The following COTL1 variants were observed in gnomAD, a reference collection of about 807,000 sequenced individuals.
COTL1 encodes the protein coactosin-like protein.
COTL1 carries 15 observed loss-of-function variants against 16.5 expected under a neutral mutation model. The ratio of observed to expected loss-of-function variants is 0.91; its 90% CI spans 0.61 to 1.40. The LOEUF (loss-of-function observed/expected upper bound fraction) is 1.40, where lower values mean the gene tolerates loss of function less well. Among genes scored for constraint, COTL1 ranks in the 40% most tolerant of loss-of-function variants. The pLI is 0.00. For missense variants in COTL1, 220 were observed against 201.5 expected (o/e 1.09, Z -0.56); for synonymous variants, 112 against 85.3 (o/e 1.31, Z -1.73).
chr16:84,599,496 C>T (rs994158627), intron 2 of COTL1, among the ~76,000 whole-genome samples: 1 of 152,236 alleles, frequency 6.6e-6, no homozygotes, highest in South Asian at 2.1e-4. Flanking sequence ...GCTACTTTCA[C>T]ATCTGTCTGG....
At chr16:84,589,563 G>A (rs953970605) in intron 3 of COTL1, among the ~76,000 whole-genome samples, 4 of 151,780 alleles carry the variant, frequency 2.6e-5, no homozygotes, top group African/African-American at 7.3e-5. Flanking sequence ...CTACCCCGGG[G>A]TTACCTTTTG....
intron 2 of COTL1, among the ~76,000 whole-genome samples, chr16:84,591,184 ATTTTT>A (rs561534827): frequency 2.5e-4 from 35 of 139,558 alleles, no homozygotes; most frequent in Middle Eastern, 3.6e-3. Flanking sequence ...ATATTCTGGA[ATTTTT>A]TTTTTTTTTT....
At chr16:84,582,690 G>C (rs2914831) in intron 3 of COTL1, among the ~76,000 whole-genome samples, 22,339 of 152,176 alleles carry the variant, frequency 0.15, 3,688 homozygotes, top group African/African-American at 0.4. Flanking sequence ...AGGATGAATA[G>C]TTCACCAGGC....
intron 2 of COTL1, among the ~76,000 whole-genome samples, chr16:84,608,896 C>T (rs1394158651): frequency 6.6e-6 from 1 of 152,144 alleles, no homozygotes; most frequent in East Asian, 1.9e-4. Context: ...CAGGGCACGA[C>T]CTTGTCTCAA....
chr16:84,608,893 C>T (rs780063403), intron 2 of COTL1, among the ~76,000 whole-genome samples: 3 of 152,132 alleles, frequency 2.0e-5, no homozygotes, highest in Non-Finnish European at 4.4e-5. Flanking sequence ...TGACAGGGCA[C>T]GACCTTGTCT....
At chr16:84,609,681 G>A (rs912865295) in intron 2 of COTL1, among the ~76,000 whole-genome samples, 10 of 152,162 alleles carry the variant, frequency 6.6e-5, no homozygotes, top group East Asian at 3.8e-4. Flanking sequence ...AGGGCAGGAC[G>A]GGGTGGAGAT....
intron 2 of COTL1, among the ~76,000 whole-genome samples, chr16:84,602,195 A>T (rs1239957230): frequency 8.5e-6 from 1 of 118,222 alleles, no homozygotes; most frequent in Non-Finnish European, 1.8e-5. Flanking sequence ...GCTGCGTTTC[A>T]GTTCAATGGG....
chr16:84,614,211 G>C (rs1200607165), intron 2 of COTL1, among the ~76,000 whole-genome samples: 3 of 152,248 alleles, frequency 2.0e-5, no homozygotes, highest in Non-Finnish European at 4.4e-5. Flanking sequence ...GACCATCCCA[G>C]GCGAACTGAG....
Position 84,602,759 on chromosome 16 carries a change from G to A in COTL1, c.161-12497C>T, listed in dbSNP as rs546636783. ...AATCCCAGCTACTCGGGAGGCTGAC[G>A]TAGGAGAATTGCTTGAGTCCAGGAG... is the stretch of plus-strand genomic sequence containing the variant. On this transcript the variant is annotated intron_variant, in intron 2 of 3. Coordinates refer to ENST00000262428, the MANE Select transcript of COTL1 (RefSeq NM_021149.5). Among the ~76,000 whole-genome samples, 5 of 152,024 alleles carry A rather than the reference G, an allele frequency of 3.3e-5. No individual in the cohort carries two copies. In the South Asian group the frequency reaches 6.3e-4, roughly 19 times the overall value.
At chr16:84,595,656 C>T (rs906251904) in intron 2 of COTL1, 4 of 152,192 alleles carry the variant, frequency 2.6e-5, no homozygotes, top group East Asian at 1.9e-4. Context: ...CACTCCTGTA[C>T]GCGGGAACAC....
chr16:84,616,721 C>A lies in COTL1; in HGVS notation c.160+780G>T, dbSNP rs182053556. 1.6e-3 allele frequency among the ~76,000 whole-genome samples: 241 copies of A among 152,266 alleles called. 1 individual carries two copies. The highest frequency in any genetic ancestry group is 3.4e-3 in the Middle Eastern group (1 of 294). ...ACCGAAGGGTTTATGGCGATGCCTG[C>A]CACGTGGTCTTTCTTTTCATGGTTC... is the stretch of plus-strand genomic sequence containing the variant. On this transcript the variant is annotated intron_variant, in intron 2 of 3. Transcript: ENST00000262428.
intron 2 of COTL1, among the ~76,000 whole-genome samples, chr16:84,603,637 T>C (rs1276852448): frequency 4.6e-5 from 7 of 151,840 alleles, no homozygotes; most frequent in African/African-American, 1.7e-4. Flanking sequence ...ACGGTGACAA[T>C]GGCAACAGAC....
At chr16:84,583,265 T>G (rs1366532969) in intron 3 of COTL1, among the ~76,000 whole-genome samples, 1 of 152,198 alleles carries the variant, frequency 6.6e-6, no homozygotes, top group Non-Finnish European at 1.5e-5. Context: ...AGACCTGGCC[T>G]CGTGAAGGAC....
intron 3 of COTL1, among the ~76,000 whole-genome samples, chr16:84,572,371 G>C (rs1022277633): frequency 1.3e-5 from 2 of 152,180 alleles, no homozygotes; most frequent in Non-Finnish European, 2.9e-5. Context: ...AACACCCACG[G>C]GGGCAGGGGC....
chr16:84,593,791 G>A (rs573522726), intron 2 of COTL1, among the ~76,000 whole-genome samples: 18 of 152,086 alleles, frequency 1.2e-4, no homozygotes, highest in Non-Finnish European at 2.5e-4. Context: ...GAGCCACCGC[G>A]CCCGGCCATT....
intron 3 of COTL1, chr16:84,576,675 A>G (rs931537081): frequency 6.6e-6 from 1 of 152,254 alleles, no homozygotes; most frequent in Non-Finnish European, 1.5e-5. Context: ...CCCACCAGTC[A>G]TCCAGGGATC....
chr16:84,615,593 A>G (rs540028159), intron 2 of COTL1, among the ~76,000 whole-genome samples: 1 of 152,204 alleles, frequency 6.6e-6, no homozygotes, highest in Admixed American at 6.5e-5. Context: ...TGTAAAGCAT[A>G]GCCTCAGAGC....
At chr16:84,607,681 G>A (rs16974272) in intron 2 of COTL1, among the ~76,000 whole-genome samples, 17,881 of 152,084 alleles carry the variant, frequency 0.12, 1,303 homozygotes, top group African/African-American at 0.19. Context: ...ATGTCTGAGC[G>A]TTTGGACCTT....
chr16:84,609,712 T>C (rs1905281642), intron 2 of COTL1, among the ~76,000 whole-genome samples: 1 of 152,204 alleles, frequency 6.6e-6, no homozygotes, highest in Non-Finnish European at 1.5e-5. Flanking sequence ...GGGGGGCAGT[T>C]TCCCCCATAC....
Sources: gnomAD v4.1 joint callset for allele counts (sites outside exome capture counted in the v4.1 genomes callset) on GRCh38, gnomAD v4.1.1 for gene constraint, MANE v1.5 for transcripts, NCBI Gene and HGNC (gene_info 2026-07-23, HGNC 2026-07-21) for gene names.